The following EGFLAM variants were observed in gnomAD, a reference collection of about 807,000 sequenced individuals.
EGFLAM encodes EGF like, fibronectin type III and laminin G domains.
EGFLAM carries 79 observed loss-of-function variants against 113.1 expected under a neutral mutation model. The observed-to-expected ratio is 0.70, with a 90% CI of 0.58 to 0.84. EGFLAM has a LOEUF of 0.84. Among genes scored for constraint, EGFLAM ranks in the 40% least tolerant of loss-of-function variants. The pLI, the probability that EGFLAM is intolerant of heterozygous loss-of-function variation, is 0.00. For synonymous variants in EGFLAM, 504 were observed against 487.6 expected, an observed-to-expected ratio of 1.03 and a Z score of -0.44; for missense variants, 1,265 against 1,291.6, an observed-to-expected ratio of 0.98 and a Z score of 0.32.
At chr5:38,347,542 A>G (rs1464509079) in intron 3 of EGFLAM, among the ~76,000 whole-genome samples, 1 of 152,160 alleles carries the variant, frequency 6.6e-6, no homozygotes, top group Non-Finnish European at 1.5e-5. Context: ...TGAGTCATGA[A>G]GAATGAGTAG....
chr5:38,374,011 A>C (rs985120596), intron 6 of EGFLAM, among the ~76,000 whole-genome samples: 1 of 152,198 alleles, frequency 6.6e-6, no homozygotes, highest in African/African-American at 2.4e-5. Context: ...CAGCGTGTAG[A>C]AATACCATAC....
In EGFLAM at chr5:38,406,244, A is replaced by C. The variant is rs200064260; in HGVS notation, c.828+3A>C. 1 of 1,612,654 alleles carries C rather than the reference A, an allele frequency of 6.2e-7. No homozygotes were observed. Among genetic ancestry groups the C allele is most frequent in the African/African-American group, 1.3e-5 (1 of 74,884 alleles). ...ATTTGGATATTTCCTTTGAGGAGGT[A>C]ACAATAATCTCTGCTCTTAAAACCC... On this transcript the variant is annotated splice_donor_region_variant and intron_variant, in intron 7 of 21. Transcript: ENST00000322350.
chr5:38,413,268 A>T (rs1452674653), intron 11 of EGFLAM, among the ~76,000 whole-genome samples: 2 of 137,464 alleles, frequency 1.5e-5, no homozygotes, highest in East Asian at 4.3e-4. Flanking sequence ...GATGCAAGCG[A>T]TTCTCCCACC....
At chr5:38,338,649 TAC>T in intron 2 of EGFLAM, 47 bp from the exon 3 acceptor site, 1 of 1,580,792 alleles carries the variant, frequency 6.3e-7, no homozygotes, top group Non-Finnish European at 8.7e-7. Flanking sequence ...CCTTTGATCT[TAC>T]ACAAGCACGG....
chr5:38,275,489 T>C (rs994708940), intron 1 of EGFLAM, among the ~76,000 whole-genome samples: 12 of 152,280 alleles, frequency 7.9e-5, no homozygotes, highest in African/African-American at 1.7e-4. Context: ...CGGTATATAA[T>C]GATAAAGGAG....
At chr5:38,394,711 C>CTTTTCTTT (rs1740910858) in intron 6 of EGFLAM, among the ~76,000 whole-genome samples, 6 of 121,724 alleles carry the variant, frequency 4.9e-5, no homozygotes, top group African/African-American at 1.7e-4. Flanking sequence ...GCCGGGCCCA[C>CTTTTCTTT]TTTTTTTTTT....
At chr5:38,298,294 G>A (rs1758495388) in intron 1 of EGFLAM, among the ~76,000 whole-genome samples, 1 of 148,812 alleles carries the variant, frequency 6.7e-6, no homozygotes. Flanking sequence ...AGCAATGTCA[G>A]AGTCATCATT....
intron 6 of EGFLAM, chr5:38,403,907 C>A (rs145217235): frequency 6.2e-7 from 1 of 1,613,706 alleles, no homozygotes; most frequent in South Asian, 1.1e-5. Flanking sequence ...AATCTGGCAT[C>A]GACAGGTTGA....
chr5:38,299,222 A>G (rs1379467880), intron 1 of EGFLAM, among the ~76,000 whole-genome samples: 2 of 152,234 alleles, frequency 1.3e-5, no homozygotes, highest in Admixed American at 1.3e-4. Context: ...AGGAAGAATG[A>G]GAACAGACAA....
At chr5:38,331,518 C>T (rs980617625) in intron 1 of EGFLAM, among the ~76,000 whole-genome samples, 4 of 152,094 alleles carry the variant, frequency 2.6e-5, no homozygotes, top group African/African-American at 7.2e-5. Flanking sequence ...GCTTCTTTCA[C>T]TTAGGAATAC....
At chr5:38,407,572 GGAAAGCCAGT>G (rs1741330569) in intron 8 of EGFLAM, among the ~76,000 whole-genome samples, 3 of 152,208 alleles carry the variant, frequency 2.0e-5, no homozygotes, top group Admixed American at 2.0e-4. Flanking sequence ...TTTCTTCTTA[GGAAAGCCAGT>G]GCCGGTCTCC....
chr5:38,439,474 T>G (rs1208689006), intron 17 of EGFLAM, among the ~76,000 whole-genome samples: 1 of 152,136 alleles, frequency 6.6e-6, no homozygotes, highest in Non-Finnish European at 1.5e-5. Flanking sequence ...AGGTTGTTGA[T>G]TTTTATCAGA....
intron 6 of EGFLAM, among the ~76,000 whole-genome samples, chr5:38,389,164 T>G (rs953609959): frequency 6.6e-6 from 1 of 152,170 alleles, no homozygotes; most frequent in Non-Finnish European, 1.5e-5. Flanking sequence ...GAATGGCATT[T>G]CTACAGGGAT....
At position 38,435,164 on chromosome 5, in the gene EGFLAM, A is replaced by G. The variant is rs201011365; in HGVS notation, c.2194A>G (p.Thr732Ala). ...AGGCTTCACACAGATTAAGTGCAAC[A>G]CAGACATTTTCATTGGCGGAGTCCC... is the stretch of plus-strand genomic sequence containing the variant. ...EGGFTQIKCN[T>A]DIFIGGVPNY... Residue 732 changes from threonine to alanine, a missense_variant, in exon 16 of 22, where the codon ACA (threonine) becomes GCA (alanine). Coordinates refer to ENST00000322350, the MANE Select transcript of EGFLAM (RefSeq NM_152403.4). 1 of 1,614,216 alleles carries G rather than the reference A, an allele frequency of 6.2e-7. No individual in the cohort carries two copies. Among genetic ancestry groups the G allele is most frequent in the South Asian group, 1.1e-5 (1 of 91,090 alleles).
intron 14 of EGFLAM, among the ~76,000 whole-genome samples, chr5:38,430,900 T>C (rs1742166673): frequency 6.6e-6 from 1 of 152,170 alleles, no homozygotes; most frequent in African/African-American, 2.4e-5. Context: ...GGAGCACTGA[T>C]GTTCAAGGCT....
chr5:38,291,360 A>G (rs1326574094), intron 1 of EGFLAM, among the ~76,000 whole-genome samples: 2 of 152,060 alleles, frequency 1.3e-5, no homozygotes, highest in Non-Finnish European at 2.9e-5. Flanking sequence ...TGAAGTCTGG[A>G]TTTGGGGAGG....
chr5:38,320,506 T>G (rs1246780123), intron 1 of EGFLAM, among the ~76,000 whole-genome samples: 2 of 152,184 alleles, frequency 1.3e-5, no homozygotes, highest in Non-Finnish European at 2.9e-5. Flanking sequence ...AGTCTGTGCT[T>G]CTTTGTCCTC....
At chr5:38,351,648 A>G (rs1473745005) in intron 4 of EGFLAM, among the ~76,000 whole-genome samples, 1 of 152,172 alleles carries the variant, frequency 6.6e-6, no homozygotes, top group Non-Finnish European at 1.5e-5. Context: ...ACTTGAAGTG[A>G]TGGGATCATG....
Position 38,406,202 on chromosome 5 carries a change from A to T in EGFLAM, c.789A>T (p.Gly263=). 1 of 1,614,158 alleles carries T rather than the reference A, an allele frequency of 6.2e-7. No homozygotes were observed. The highest frequency in any genetic ancestry group is 8.5e-7 in the Non-Finnish European group (1 of 1,180,008). Residue 263 remains glycine, a synonymous_variant, in exon 7 of 22, where the codon GGA becomes GGT. Coordinates refer to ENST00000322350, the MANE Select transcript of EGFLAM (RefSeq NM_152403.4). ...TDMGAGEDDE[G]FEDDLDLDIS... is the part of the protein sequence containing the mutation. ...TGGGAGCTGGTGAGGATGATGAAGGATTTGAAGACGACTTAGATTTGGATA... is the reference window on the plus strand; with the variant it reads ...TGGGAGCTGGTGAGGATGATGAAGGTTTTGAAGACGACTTAGATTTGGATA...
Sources: gnomAD v4.1 joint callset for allele counts (sites outside exome capture counted in the v4.1 genomes callset) on GRCh38, gnomAD v4.1.1 for gene constraint, MANE v1.5 for transcripts, NCBI Gene and HGNC (gene_info 2026-07-23, HGNC 2026-07-21) for gene names.